SLC38A7: variants seen among roughly 807,000 people sequenced by gnomAD.
The protein encoded by SLC38A7 is solute carrier family 38 member 7, also known as sodium-coupled neutral amino acid transporter 7.
SLC38A7 carries 29 observed loss-of-function variants against 50.1 expected under a neutral mutation model. That is an observed-to-expected ratio of 0.58 (90% CI 0.43 to 0.79). The LOEUF is 0.79. SLC38A7 is among the 30% of genes least tolerant of loss of function. The pLI is 0.00. For missense variants in SLC38A7, 483 were observed against 610.6 expected, an observed-to-expected ratio of 0.79 and a Z score of 2.20; for synonymous variants, 244 against 245.9, an observed-to-expected ratio of 0.99 and a Z score of 0.07.
At position 58,678,196 on chromosome 16, in the gene SLC38A7, C is replaced by T; in HGVS notation, c.611+137G>A. Reference sequence around the variant, plus strand: ...ATGGTCTTATCTGAAACCCTGCAAGCCCCGGTCTGCCCTGCCTTGCCTACT... The same window carrying T: ...ATGGTCTTATCTGAAACCCTGCAAGTCCCGGTCTGCCCTGCCTTGCCTACT... On this transcript the variant is annotated intron_variant, in intron 5 of 11. Coordinates refer to ENST00000219320, the MANE Select transcript of SLC38A7 (RefSeq NM_018231.3). The surrounding 1 kb of genome is among the most constrained non-coding windows in gnomAD (Gnocchi z 4.0). The T allele has an allele frequency of 1.0e-6, 1 of 975,114 alleles. No individual in the cohort carries two copies. Among genetic ancestry groups the T allele is most frequent in the Non-Finnish European group, 1.4e-6 (1 of 690,874 alleles). The allele number at this position is 975,114 out of a possible 1,614,324, so 60.4% of individuals were successfully genotyped here. A position where few individuals can be genotyped will look rare whatever the true frequency, so the allele number is the denominator to read the frequency against.
rs1479752696 is a variant in SLC38A7, at chr16:58,684,031, A to T, written c.-192T>A. ...AAAGGTCTGGGATCTGATTCTCCTCACTTCCCTTTCTGGACCCAATTTCTT... is the reference window on the plus strand; with the variant it reads ...AAAGGTCTGGGATCTGATTCTCCTCTCTTCCCTTTCTGGACCCAATTTCTT... On this transcript the variant is annotated 5_prime_UTR_variant, in exon 2 of 12. Coordinates refer to ENST00000219320, the MANE Select transcript of SLC38A7 (RefSeq NM_018231.3). The T allele has an allele frequency of 2.0e-5, 3 of 152,260 alleles. No homozygotes were observed. Among genetic ancestry groups the T allele is most frequent in the Non-Finnish European group, 4.4e-5 (3 of 68,148 alleles). The allele number at this position is 152,260 out of a possible 1,614,324, so 9.4% of individuals were successfully genotyped here. A position where few individuals can be genotyped will look rare whatever the true frequency, so the allele number is the denominator to read the frequency against.
chr16:58,675,977 A>G lies in SLC38A7; in HGVS notation c.846T>C (p.Ala282=). 6.2e-7 allele frequency: 1 copy of G among 1,613,626 alleles called. No homozygotes were observed. Among genetic ancestry groups the G allele is most frequent in the Non-Finnish European group, 8.5e-7 (1 of 1,179,854 alleles). The stretch of plus-strand genomic sequence containing the variant: ...AGACAGCGAGGGCTATGACCATGGC[A>G]GCTGTCACCACTCCACCCCAGGTCT... The part of the protein sequence containing the change: ...EVKTWGGVVT[A]AMVIALAVYM... The change falls in exon 8 of 12, where the codon GCT becomes GCC. Residue 282 remains alanine, a synonymous_variant. Transcript: ENST00000219320.
rs1276621172 is a variant in SLC38A7, at chr16:58,667,164, T to C, written c.*221A>G. 7.6e-6 allele frequency: 4 copies of C among 526,404 alleles called. No homozygotes were observed. Among genetic ancestry groups the C allele is most frequent in the Non-Finnish European group, 1.0e-5 (3 of 296,362 alleles). The allele number at this position is 526,404 out of a possible 1,614,324, so 32.6% of individuals were successfully genotyped here. ...GGGTCCTCTATGATGTGAGACTTCC[T>C]GCCGCCATCCACGGCACTGCCAGGA... On this transcript the variant is annotated 3_prime_UTR_variant, in exon 12 of 12. Coordinates refer to ENST00000219320, the MANE Select transcript of SLC38A7 (RefSeq NM_018231.3).
At chr16:58,673,476 C>T (rs974674372) in intron 8 of SLC38A7, among the ~76,000 whole-genome samples, 2 of 151,752 alleles carry the variant, frequency 1.3e-5, no homozygotes, top group East Asian at 1.9e-4. Context: ...CCTCGTCATC[C>T]GCCTGCCTCG....
At position 58,670,135 on chromosome 16, in the gene SLC38A7, T is replaced by C. The variant is rs2044131963; in HGVS notation, c.1264A>G (p.Met422Val). The C allele has an allele frequency of 6.2e-7, 1 of 1,614,120 alleles. No individual in the cohort carries two copies. Among genetic ancestry groups the C allele is most frequent in the South Asian group, 1.1e-5 (1 of 91,076 alleles). Residue 422 changes from methionine to valine, a missense_variant, in exon 11 of 12, where the codon ATG becomes GTG. By Grantham distance (21) the Met-to-Val change is conservative. Transcript: ENST00000219320. ...LCLIQAKLSEMEEVKPASWWV... is the reference protein window; with the variant it reads ...LCLIQAKLSEVEEVKPASWWV... Reference sequence around the variant, plus strand: ...TACCTGGCTGGTTTGACCTCTTCCATCTCAGAGAGTTTGGCTTGAATGAGG... The same window carrying C: ...TACCTGGCTGGTTTGACCTCTTCCACCTCAGAGAGTTTGGCTTGAATGAGG...
At position 58,684,698 on chromosome 16, in the gene SLC38A7, C is replaced by T. The variant is rs1188142677; in HGVS notation, c.-340+19G>A. 2 of 152,354 alleles carry T rather than the reference C, an allele frequency of 1.3e-5. No individual in the cohort carries two copies. The highest frequency in any genetic ancestry group is 2.9e-5 in the Non-Finnish European group (2 of 68,134). 9.4% of individuals were successfully genotyped at this position (152,354 alleles called of 1,614,324 possible). On this transcript the variant is annotated intron_variant, in intron 1 of 11. Transcript: ENST00000219320. ...GATCTAACACTTCCACCCTCCAGAG[C>T]CTGTCTCCGGCCACCTACCTTGGGG...
At chr16:58,667,540 C>A (rs1039968648) in intron 11 of SLC38A7, 53 bp from the exon 12 acceptor site, 4 of 1,354,866 alleles carry the variant, frequency 3.0e-6, no homozygotes, top group Non-Finnish European at 4.1e-6. Context: ...CCCATGACTG[C>A]AGACTTCAAT....
At position 58,667,372 on chromosome 16, in the gene SLC38A7, T is replaced by A; in HGVS notation, c.*13A>T. 6.2e-7 allele frequency: 1 copy of A among 1,613,794 alleles called. No individual in the cohort carries two copies. Among genetic ancestry groups the A allele is most frequent in the East Asian group, 2.2e-5 (1 of 44,870 alleles). On this transcript the variant is annotated 3_prime_UTR_variant, in exon 12 of 12. Transcript: ENST00000219320. Reference sequence around the variant, plus strand: ...CCAATGGCAAAGGCCTTGTGTTCCCTGGGAGGCAGTGGTTATGCCAAGAGA... The same window carrying A: ...CCAATGGCAAAGGCCTTGTGTTCCCAGGGAGGCAGTGGTTATGCCAAGAGA...
intron 8 of SLC38A7, among the ~76,000 whole-genome samples, chr16:58,672,990 C>T (rs868366116): frequency 7.3e-5 from 11 of 151,394 alleles, no homozygotes; most frequent in Admixed American, 1.3e-4. Flanking sequence ...CGCGGTGGCA[C>T]GATCTCGGCT....
Position 58,666,015 on chromosome 16 carries a change from G to C in SLC38A7, c.*1370C>G, listed in dbSNP as rs1164620466. On this transcript the variant is annotated 3_prime_UTR_variant, in exon 12 of 12. Coordinates refer to ENST00000219320, the MANE Select transcript of SLC38A7 (RefSeq NM_018231.3). Reference sequence around the variant, plus strand: ...GACTGGAAGGGAAACTTCCAGGCCAGTGTGGCAGGCTCAAATGCTGCCCAT... The same window carrying C: ...GACTGGAAGGGAAACTTCCAGGCCACTGTGGCAGGCTCAAATGCTGCCCAT... The C allele has an allele frequency of 6.6e-6, 1 of 152,510 alleles. No individual in the cohort carries two copies. The highest frequency in any genetic ancestry group is 1.5e-5 in the Non-Finnish European group (1 of 68,254). 9.4% of individuals were successfully genotyped at this position (152,510 alleles called of 1,614,324 possible).
At chr16:58,679,154 G>A (rs934422649) in intron 3 of SLC38A7, among the ~76,000 whole-genome samples, 1 of 152,230 alleles carries the variant, frequency 6.6e-6, no homozygotes, top group Non-Finnish European at 1.5e-5. Flanking sequence ...CACTTTGGGA[G>A]GCTGAGGCAG....
chr16:58,682,850 TTGAACTCCTGACCTTGTGATCC>T (rs1194770023), intron 2 of SLC38A7, among the ~76,000 whole-genome samples: 6 of 152,158 alleles, frequency 3.9e-5, no homozygotes, highest in African/African-American at 1.2e-4. Flanking sequence ...CAGGCTGGTC[TTGAACTCCTGACCTTGTGATCC>T]CCCTTGGCCT....
Position 58,665,338 on chromosome 16 carries a change from C to A in SLC38A7, c.*2047G>T, listed in dbSNP as rs1188707887. ...GAAACACGGCACTGGGGGACTGCAG[C>A]CCTGCTGACCAGGCTGTCCTCCTAG... On this transcript the variant is annotated 3_prime_UTR_variant, in exon 12 of 12. Transcript: ENST00000219320. 1.3e-5 allele frequency: 2 copies of A among 152,528 alleles called. No homozygotes were observed. Among genetic ancestry groups the A allele is most frequent in the East Asian group, 3.9e-4 (2 of 5,186 alleles). The allele number at this position is 152,528 out of a possible 1,614,324, so 9.4% of individuals were successfully genotyped here. A position where few individuals can be genotyped will look rare whatever the true frequency, so the allele number is the denominator to read the frequency against.
At position 58,666,896 on chromosome 16, in the gene SLC38A7, A is replaced by C; in HGVS notation, c.*489T>G. 6.3e-6 allele frequency: 1 copy of C among 159,692 alleles called. No homozygotes were observed. The highest frequency in any genetic ancestry group is 6.4e-5 in the Admixed American group (1 of 15,604). 9.9% of individuals were successfully genotyped at this position (159,692 alleles called of 1,614,324 possible). ...GGACAAGGTCTGAATCTACCTGACTATGCATTTGCATGACTTCAGTGCTAC... is the reference window on the plus strand; with the variant it reads ...GGACAAGGTCTGAATCTACCTGACTCTGCATTTGCATGACTTCAGTGCTAC... On this transcript the variant is annotated 3_prime_UTR_variant, in exon 12 of 12. Transcript: ENST00000219320.
intron 10 of SLC38A7, 88 bp from the exon 11 acceptor site, chr16:58,670,255 G>T: frequency 7.9e-7 from 1 of 1,266,870 alleles, no homozygotes; most frequent in Non-Finnish European, 1.1e-6. Context: ...AGCAGTGCTG[G>T]ATGGAGAAAG....
At chr16:58,679,263 G>A (rs1325406745) in intron 3 of SLC38A7, among the ~76,000 whole-genome samples, 2 of 151,864 alleles carry the variant, frequency 1.3e-5, no homozygotes, top group Non-Finnish European at 2.9e-5. Flanking sequence ...ATGGTGGTGG[G>A]TGCCTGTAAT....
At chr16:58,671,632 G>T in intron 9 of SLC38A7, 2 of 267,324 alleles carry the variant, frequency 7.5e-6, no homozygotes, top group Non-Finnish European at 1.4e-5. Flanking sequence ...TGCAATCTTG[G>T]CTCACTGCAG....
At position 58,667,451 on chromosome 16, in the gene SLC38A7, G is replaced by A. The variant is rs753111291; in HGVS notation, c.1323C>T (p.Val441=). Residue 441 remains valine, a synonymous_variant, in exon 12 of 12, where the codon GTC becomes GTT. Coordinates refer to ENST00000219320, the MANE Select transcript of SLC38A7 (RefSeq NM_018231.3). Reference sequence around the variant, plus strand: ...GGCCGAAGATGAAGGCTCCCAGGGTGACCAAGAGGACTCCGTAGCTGACCA... The same window carrying A: ...GGCCGAAGATGAAGGCTCCCAGGGTAACCAAGAGGACTCCGTAGCTGACCA... ...WVLVSYGVLL[V]TLGAFIFGQT... 5.6e-6 allele frequency: 9 copies of A among 1,613,348 alleles called. No homozygotes were observed. In the South Asian group the frequency reaches 8.8e-5, roughly 16 times the overall value.
At chr16:58,670,218 C>A in intron 10 of SLC38A7, 51 bp from the exon 11 acceptor site, 1 of 1,563,728 alleles carries the variant, frequency 6.4e-7, no homozygotes, top group South Asian at 1.1e-5. Flanking sequence ...AGGGCTCCCT[C>A]CCTCCTAGCC....
Sources: gnomAD v4.1 joint callset for allele counts (sites outside exome capture counted in the v4.1 genomes callset) on GRCh38, gnomAD v4.1.1 for gene constraint, Gnocchi (gnomAD v3.1) non-coding constraint, MANE v1.5 for transcripts, NCBI Gene and HGNC (gene_info 2026-07-23, HGNC 2026-07-21) for gene names.